PTPRR: variants seen among roughly 807,000 people sequenced by gnomAD.
PTPRR encodes the protein protein tyrosine phosphatase receptor type R.
A neutral mutation model predicts 77.2 loss-of-function variants in PTPRR; 38 were observed. That is an observed-to-expected ratio of 0.49 (90% confidence interval 0.38 to 0.65). The LOEUF is 0.65. Ranked by LOEUF, PTPRR falls within the 30% of genes least tolerant of loss-of-function variation. The pLI, the probability that PTPRR is intolerant of heterozygous loss-of-function variation, is 0.00. For missense variants in PTPRR, 744 were observed against 799.2 expected (o/e 0.93, Z 0.83); for synonymous variants, 299 against 283.1 (o/e 1.06, Z -0.57).
intron 6 of PTPRR, among the ~76,000 whole-genome samples, chr12:70,721,703 G>A (rs894820124): frequency 3.9e-5 from 6 of 152,116 alleles, no homozygotes; most frequent in South Asian, 4.1e-4. Flanking sequence ...TCATAACACC[G>A]CAAACTTTTC....
chr12:70,705,546 T>A (rs1261725898), intron 6 of PTPRR, among the ~76,000 whole-genome samples: 1 of 152,072 alleles, frequency 6.6e-6, no homozygotes, highest in South Asian at 2.1e-4. Flanking sequence ...TCATTTTTTC[T>A]TGTAGTCCCG....
intron 2 of PTPRR, among the ~76,000 whole-genome samples, chr12:70,847,151 C>A (rs1034108405): frequency 6.6e-6 from 1 of 152,148 alleles, no homozygotes; most frequent in African/African-American, 2.4e-5. Context: ...TGACAAGAGA[C>A]CTTGCTCTGC....
chr12:70,640,308 G>A (rs1035883688), intron 13 of PTPRR, among the ~76,000 whole-genome samples: 1 of 151,938 alleles, frequency 6.6e-6, no homozygotes, highest in African/African-American at 2.4e-5. Context: ...GTGTAGCTGG[G>A]ACCACAGGCA....
intron 6 of PTPRR, among the ~76,000 whole-genome samples, chr12:70,731,780 T>TA (rs1414118373): frequency 1.3e-5 from 2 of 152,214 alleles, no homozygotes; most frequent in Non-Finnish European, 2.9e-5. Flanking sequence ...AGTCAATTTT[T>TA]AGAGAACCTC....
Position 70,863,116 on chromosome 12 carries a change from C to T in PTPRR, c.357+29563G>A, listed in dbSNP as rs567932919. The stretch of plus-strand genomic sequence containing the variant: ...TTTGCTTTTACAGACACTTATAATA[C>T]GTAATAACTTACATTGTATCTAACT... On this transcript the variant is annotated intron_variant, in intron 2 of 13. Coordinates refer to ENST00000283228, the MANE Select transcript of PTPRR (RefSeq NM_002849.4). Among the ~76,000 whole-genome samples, 187 of 152,216 alleles carry T rather than the reference C, an allele frequency of 1.2e-3. 3 individuals are homozygous for T. The South Asian group carries it at 0.034, about 28-fold the overall frequency.
intron 10 of PTPRR, among the ~76,000 whole-genome samples, chr12:70,680,580 C>G (rs1220282686): frequency 6.6e-6 from 1 of 152,208 alleles, no homozygotes; most frequent in Non-Finnish European, 1.5e-5. Flanking sequence ...AAACAGCACA[C>G]TTGGCTGGTG....
chr12:70,658,757 T>C (rs1886674151), intron 12 of PTPRR, among the ~76,000 whole-genome samples: 2 of 151,358 alleles, frequency 1.3e-5, no homozygotes, highest in African/African-American at 4.9e-5. Context: ...TGATGAAGAC[T>C]ATAAGCTTCC....
chr12:70,718,508 G>A (rs1701539232), intron 6 of PTPRR, among the ~76,000 whole-genome samples: 1 of 151,946 alleles, frequency 6.6e-6, no homozygotes, highest in South Asian at 2.1e-4. Flanking sequence ...CTCGTGATCC[G>A]CCTGCCTAGC....
At chr12:70,754,082 T>C in intron 5 of PTPRR, 109 bp downstream of exon 5, 1 of 1,015,522 alleles carries the variant, frequency 9.8e-7, no homozygotes, top group Non-Finnish European at 1.4e-6. Flanking sequence ...AGGATCATAG[T>C]CTTCCTTCTG....
intron 1 of PTPRR, among the ~76,000 whole-genome samples, chr12:70,901,824 A>T (rs1019852358): frequency 4.6e-5 from 7 of 151,840 alleles, no homozygotes; most frequent in African/African-American, 7.2e-5. Flanking sequence ...ATAGCAGAGT[A>T]AACAGATAAC....
At chr12:70,912,043 T>C (rs1057359250) in intron 1 of PTPRR, among the ~76,000 whole-genome samples, 1 of 152,220 alleles carries the variant, frequency 6.6e-6, no homozygotes, top group African/African-American at 2.4e-5. Context: ...CTGTTTAAGC[T>C]ACTTTATTTT....
At chr12:70,805,314 G>A (rs576964321) in intron 2 of PTPRR, among the ~76,000 whole-genome samples, 20 of 151,472 alleles carry the variant, frequency 1.3e-4, no homozygotes, top group South Asian at 2.1e-4. Flanking sequence ...ATGTATATAT[G>A]TATATGTATA....
intron 2 of PTPRR, among the ~76,000 whole-genome samples, chr12:70,890,672 AAATT>A (rs1252238522): frequency 6.6e-6 from 1 of 152,162 alleles, no homozygotes; most frequent in Non-Finnish European, 1.5e-5. Flanking sequence ...ATTTGAGTAT[AAATT>A]AAGTCTCAAA....
At chr12:70,891,364 G>A (rs1209452499) in intron 2 of PTPRR, among the ~76,000 whole-genome samples, 1 of 152,070 alleles carries the variant, frequency 6.6e-6, no homozygotes, top group East Asian at 1.9e-4. Flanking sequence ...TCTCCCATGA[G>A]CCCTAGCATT....
chr12:70,844,371 G>T (rs2137062934), intron 2 of PTPRR, among the ~76,000 whole-genome samples: 1 of 152,226 alleles, frequency 6.6e-6, no homozygotes, highest in South Asian at 2.1e-4. Context: ...AAGACTAAAA[G>T]GTGTATGATT....
chr12:70,713,385 T>G (rs1041459372), intron 6 of PTPRR, among the ~76,000 whole-genome samples: 7 of 152,198 alleles, frequency 4.6e-5, no homozygotes, highest in Non-Finnish European at 1.0e-4. Context: ...CATGAACATA[T>G]GTTTTCATTT....
At chr12:70,901,418 C>G (rs1478780615) in intron 1 of PTPRR, among the ~76,000 whole-genome samples, 1 of 151,602 alleles carries the variant, frequency 6.6e-6, no homozygotes, top group Admixed American at 6.6e-5. Context: ...GGCACATAGA[C>G]CAATGGAACA....
intron 13 of PTPRR, among the ~76,000 whole-genome samples, chr12:70,652,451 G>T (rs957703071): frequency 1.4e-4 from 22 of 152,130 alleles, no homozygotes; most frequent in Admixed American, 9.2e-4. Context: ...GGAGGCTGGA[G>T]GAAAGACCTT....
intron 2 of PTPRR, among the ~76,000 whole-genome samples, chr12:70,817,657 C>T (rs2048607): frequency 0.29 from 44,775 of 151,952 alleles, 7,889 homozygotes; most frequent in Admixed American, 0.4. Context: ...AAGGAAATGC[C>T]GGTTCAAAAT....
Sources: gnomAD v4.1 joint callset for allele counts (sites outside exome capture counted in the v4.1 genomes callset) on GRCh38, gnomAD v4.1.1 for gene constraint, MANE v1.5 for transcripts, NCBI Gene and HGNC (gene_info 2026-07-23, HGNC 2026-07-21) for gene names.